The following EMILIN2 variants were observed in gnomAD, a reference collection of about 807,000 sequenced individuals.
The protein encoded by EMILIN2 is elastin microfibril interfacer 2.
Under a neutral mutation model 87.1 loss-of-function variants are expected in EMILIN2, and 71 were observed. That is an observed-to-expected ratio of 0.82 (90% CI 0.67 to 0.99). The LOEUF (loss-of-function observed/expected upper bound fraction) is 0.99. EMILIN2 is among the 50% of genes least tolerant of loss of function. The pLI is 0.00. For synonymous variants in EMILIN2, 581 were observed against 563.4 expected, an observed-to-expected ratio of 1.03 and a Z score of -0.44; for missense variants, 1,407 against 1,371.8, an observed-to-expected ratio of 1.03 and a Z score of -0.40.
intron 3 of EMILIN2, among the ~76,000 whole-genome samples, chr18:2,886,574 A>T (rs1415243757): frequency 1.3e-5 from 2 of 152,144 alleles, no homozygotes; most frequent in African/African-American, 4.8e-5. Flanking sequence ...TCCACTCCTC[A>T]ACACATGGCT....
intron 5 of EMILIN2, 136 bp downstream of exon 5, chr18:2,907,221 G>A: frequency 2.0e-6 from 2 of 993,252 alleles, no homozygotes; most frequent in Non-Finnish European, 2.6e-6. Context: ...AGCTTTGGAA[G>A]GATGCCGAGG....
At chr18:2,858,543 ATATATATATATATATATATATATATATG>A (rs2076640147) in intron 2 of EMILIN2, among the ~76,000 whole-genome samples, 5 of 38,870 alleles carry the variant, frequency 1.3e-4, no homozygotes, top group Non-Finnish European at 2.1e-4. Flanking sequence ...ATATATATAT[ATATATATATATATATATATATATATATG>A]TGTGTGTGTG....
intron 4 of EMILIN2, among the ~76,000 whole-genome samples, chr18:2,903,948 A>G (rs2076899038): frequency 6.6e-6 from 1 of 152,118 alleles, no homozygotes. Flanking sequence ...TTGCTTTTTC[A>G]TGGTTTACTC....
At chr18:2,881,627 G>C (rs2076777194) in intron 2 of EMILIN2, among the ~76,000 whole-genome samples, 1 of 152,182 alleles carries the variant, frequency 6.6e-6, no homozygotes, top group Admixed American at 6.5e-5. Context: ...GCTCTGCCTG[G>C]CCTGGCTCAG....
intron 2 of EMILIN2, among the ~76,000 whole-genome samples, chr18:2,868,237 G>A (rs562983256): frequency 1.3e-5 from 2 of 151,880 alleles, no homozygotes; most frequent in East Asian, 1.9e-4. Flanking sequence ...CATCTCAGAC[G>A]ATGGGCGGCC....
At chr18:2,855,025 G>A (rs4798035) in intron 2 of EMILIN2, among the ~76,000 whole-genome samples, 47,236 of 152,154 alleles carry the variant, frequency 0.31, 7,856 homozygotes, top group African/African-American at 0.43. Flanking sequence ...CTTGGCATCG[G>A]AGGTAACTTG....
At chr18:2,846,811 C>T (rs1442265726), upstream of EMILIN2, 6 of 985,312 alleles carry the variant, frequency 6.1e-6, no homozygotes, top group Non-Finnish European at 7.2e-6. The surrounding 1 kb of genome is among the most constrained non-coding windows in gnomAD (Gnocchi z 5.3). Flanking sequence ...AATGCTGTAA[C>T]GTAGACCCTT....
At position 2,892,491 on chromosome 18, in the gene EMILIN2, G is replaced by A. The variant is rs748598574; in HGVS notation, c.2359+5G>A. ...TCAAATTTCAGCCATCAGCAAGTAA[G>A]TTGAATATTACAATTCTATTTCTTG... On this transcript the variant is annotated splice_donor_5th_base_variant and intron_variant, in intron 4 of 7. Transcript: ENST00000254528. 1 of 1,580,842 alleles carries A rather than the reference G, an allele frequency of 6.3e-7. No individual in the cohort carries two copies. Among genetic ancestry groups the A allele is most frequent in the South Asian group, 1.1e-5 (1 of 89,672 alleles).
chr18:2,899,181 C>CT (rs2076877091), intron 4 of EMILIN2, among the ~76,000 whole-genome samples: 1 of 152,110 alleles, frequency 6.6e-6, no homozygotes, highest in South Asian at 2.1e-4. Context: ...AAATTTATAA[C>CT]TAAAAAAAAC....
rs151176392 is a variant in EMILIN2, at chr18:2,852,799, G to A, written c.257+4868G>A. On this transcript the variant is annotated intron_variant, in intron 2 of 7. Transcript: ENST00000254528. Reference sequence around the variant, plus strand: ...CTCCCAAAGTGCTGGGATTATAGGCGTGAGCCATTGCACCTGGCCCGCAAT... The same window carrying A: ...CTCCCAAAGTGCTGGGATTATAGGCATGAGCCATTGCACCTGGCCCGCAAT... Among the ~76,000 whole-genome samples, 32 of 152,282 alleles carry A rather than the reference G, an allele frequency of 2.1e-4. No individual in the cohort carries two copies. The East Asian group carries it at 5.6e-3, about 27-fold the overall frequency.
At position 2,848,089 on chromosome 18, in the gene EMILIN2, C is replaced by G. The variant is rs1479900550; in HGVS notation, c.257+158C>G. Among the ~76,000 whole-genome samples the G allele has an allele frequency of 6.6e-6, 1 of 152,194 alleles. No homozygotes were observed. The highest frequency in any genetic ancestry group is 1.5e-5 in the Non-Finnish European group (1 of 68,044). Reference sequence around the variant, plus strand: ...AAGCGCTCCGAGCGCTCGCGGGGCACCGGCCACGCTGGGCTATTTAGGGAG... The same window carrying G: ...AAGCGCTCCGAGCGCTCGCGGGGCAGCGGCCACGCTGGGCTATTTAGGGAG... On this transcript the variant is annotated intron_variant, in intron 2 of 7. Transcript: ENST00000254528. This position sits in a 1 kb window ranked among gnomAD's most constrained non-coding sequence, Gnocchi z 4.1.
chr18:2,855,805 C>A (rs970158292), intron 2 of EMILIN2, among the ~76,000 whole-genome samples: 9 of 152,192 alleles, frequency 5.9e-5, no homozygotes, highest in Admixed American at 5.2e-4. Flanking sequence ...GGGGAGGAGG[C>A]CCCAGTGCGG....
At chr18:2,911,220 T>G (rs1465904844) in intron 7 of EMILIN2, among the ~76,000 whole-genome samples, 1 of 152,152 alleles carries the variant, frequency 6.6e-6, no homozygotes, top group Non-Finnish European at 1.5e-5. Context: ...GCTTCCAGGG[T>G]TGCGTCCCTT....
Position 2,906,818 on chromosome 18 carries a change from A to T in EMILIN2, c.2395A>T (p.Lys799Ter). The change falls in exon 5 of 8, where the codon AAG (lysine) becomes TAG (stop). Residue 799 changes from lysine to a stop codon, truncating the protein, a stop_gained. Transcript: ENST00000254528. LOFTEE classifies it high-confidence loss of function. ...PSPPPPAEAP[K>*]EPLQPEPAPP... The stretch of plus-strand genomic sequence containing the variant: ...GCCCCCGCCGCCCGCAGAGGCCCCG[A>T]AGGAGCCGCTGCAGCCCGAGCCCGC... 7.6e-7 allele frequency: 1 copy of T among 1,318,836 alleles called. No homozygotes were observed. Among genetic ancestry groups the T allele is most frequent in the Non-Finnish European group, 9.6e-7 (1 of 1,039,306 alleles). The allele number at this position is 1,318,836 out of a possible 1,614,324, so 81.7% of individuals were successfully genotyped here.
chr18:2,880,355 A>AT lies in EMILIN2; in HGVS notation c.258-4609_258-4608insT, dbSNP rs2144016249. 6.6e-6 allele frequency among the ~76,000 whole-genome samples: 1 copy of AT among 152,308 alleles called. No homozygotes were observed. Among genetic ancestry groups the AT allele is most frequent in the African/African-American group, 2.4e-5 (1 of 41,564 alleles). On this transcript the variant is annotated intron_variant, in intron 2 of 7. Coordinates refer to ENST00000254528, the MANE Select transcript of EMILIN2 (RefSeq NM_032048.3). This position sits in a 1 kb window ranked among gnomAD's most constrained non-coding sequence, Gnocchi z 4.1. ...TTGACACGGTTGCTGAACCCATTAA[A>AT]ATGGGAAACCCTTGTTTTCACCTCC...
chr18:2,905,565 A>G (rs1254729620), intron 4 of EMILIN2, among the ~76,000 whole-genome samples: 1 of 151,870 alleles, frequency 6.6e-6, no homozygotes, highest in African/African-American at 2.4e-5. Flanking sequence ...TTGTGCTATC[A>G]GATACTAGAT....
chr18:2,856,978 G>T (rs774796497), intron 2 of EMILIN2, among the ~76,000 whole-genome samples: 7 of 152,102 alleles, frequency 4.6e-5, no homozygotes, highest in Non-Finnish European at 1.0e-4. Context: ...GGTGATGAGG[G>T]CTGAAACAAA....
intron 2 of EMILIN2, among the ~76,000 whole-genome samples, chr18:2,858,060 G>A (rs555082633): frequency 6.6e-6 from 1 of 151,768 alleles, no homozygotes; most frequent in African/African-American, 2.4e-5. Flanking sequence ...CTCGTGTCTG[G>A]AACCAAAGAG....
At position 2,892,101 on chromosome 18, in the gene EMILIN2, C is replaced by A; in HGVS notation, c.1974C>A (p.Ser658=). The change falls in exon 4 of 8, where the codon TCC becomes TCA. Residue 658 remains serine (S), a synonymous_variant. Coordinates refer to ENST00000254528, the MANE Select transcript of EMILIN2 (RefSeq NM_032048.3). ...EQERTVDTLP[S]PQHPVAHCCS... Reference sequence around the variant, plus strand: ...AAAGGACAGTGGACACCCTGCCGTCCCCCCAGCACCCCGTGGCTCATTGCT... The same window carrying A: ...AAAGGACAGTGGACACCCTGCCGTCACCCCAGCACCCCGTGGCTCATTGCT... 6.2e-7 allele frequency: 1 copy of A among 1,613,236 alleles called. No individual in the cohort carries two copies. Among genetic ancestry groups the A allele is most frequent in the Non-Finnish European group, 8.5e-7 (1 of 1,179,378 alleles).
Sources: gnomAD v4.1 joint callset for allele counts (sites outside exome capture counted in the v4.1 genomes callset) on GRCh38, gnomAD v4.1.1 for gene constraint, Gnocchi (gnomAD v3.1) non-coding constraint, MANE v1.5 for transcripts, NCBI Gene and HGNC (gene_info 2026-07-23, HGNC 2026-07-21) for gene names.